The following EYS variants were observed in gnomAD, a reference collection of about 807,000 sequenced individuals.
EYS encodes EGF-like photoreceptor maintenance factor.
EYS carries 250 observed loss-of-function variants against 282.1 expected under a neutral mutation model. The ratio of observed to expected loss-of-function variants is 0.89; its 90% CI spans 0.80 to 0.98. EYS has a LOEUF of 0.98. EYS is among the 50% of genes least tolerant of loss of function. The pLI, the probability that EYS is intolerant of heterozygous loss-of-function variation, is 0.00. For synonymous variants in EYS, 1,355 were observed against 1,282.9 expected (o/e 1.06, Z -1.20); for missense variants, 4,016 against 3,709.0 (o/e 1.08, Z -2.15).
At chr6:65,403,576 T>C (rs552846483) in intron 6 of EYS, among the ~76,000 whole-genome samples, 1 of 152,138 alleles carries the variant, frequency 6.6e-6, no homozygotes, top group East Asian at 1.9e-4. Flanking sequence ...GAAAGAGGTA[T>C]ATAGCTTGCC....
chr6:65,302,439 C>A (rs552187362), intron 11 of EYS: 2 of 632,288 alleles, frequency 3.2e-6, no homozygotes, highest in Non-Finnish European at 5.7e-6. Flanking sequence ...ACCCATTTCA[C>A]GAGGACTTGG....
At chr6:64,318,990 T>C (rs1255338225) in intron 29 of EYS, among the ~76,000 whole-genome samples, 4 of 151,948 alleles carry the variant, frequency 2.6e-5, no homozygotes, top group African/African-American at 4.8e-5. Flanking sequence ...TGTTATACTA[T>C]CAAATACTAG....
chr6:65,616,379 T>G (rs1231894517), intron 2 of EYS, among the ~76,000 whole-genome samples: 1 of 148,888 alleles, frequency 6.7e-6, no homozygotes, highest in Non-Finnish European at 1.5e-5. Flanking sequence ...ACAATTAATG[T>G]GTTAATCAAC....
At chr6:64,802,648 T>C (rs920590442) in intron 22 of EYS, among the ~76,000 whole-genome samples, 1 of 152,350 alleles carries the variant, frequency 6.6e-6, no homozygotes, top group Middle Eastern at 3.4e-3. Context: ...AATTAAAATA[T>C]GCAGATAAGT....
chr6:63,727,111 G>C (rs1768642420), intron 41 of EYS, among the ~76,000 whole-genome samples: 1 of 152,006 alleles, frequency 6.6e-6, no homozygotes, highest in Non-Finnish European at 1.5e-5. Flanking sequence ...TTCAAATACA[G>C]AGTATAATTG....
intron 22 of EYS, among the ~76,000 whole-genome samples, chr6:64,810,956 G>C (rs1385195821): frequency 2.0e-5 from 3 of 151,924 alleles, no homozygotes; most frequent in Non-Finnish European, 4.4e-5. Context: ...ATTAAATTTA[G>C]AGAACACAAA....
intron 15 of EYS, among the ~76,000 whole-genome samples, chr6:64,931,467 T>C (rs945060755): frequency 1.3e-5 from 2 of 152,044 alleles, no homozygotes; most frequent in African/African-American, 4.8e-5. Flanking sequence ...TCAAATAAAG[T>C]TTTTCAAAAT....
chr6:64,419,784 C>G (rs560116773), intron 28 of EYS, among the ~76,000 whole-genome samples: 1 of 152,374 alleles, frequency 6.6e-6, no homozygotes, highest in African/African-American at 2.4e-5. Context: ...TTGCAGGGTA[C>G]AGCATCCCCT....
intron 15 of EYS, among the ~76,000 whole-genome samples, chr6:64,937,316 A>G (rs777566176): frequency 1.2e-4 from 18 of 151,618 alleles, no homozygotes; most frequent in Non-Finnish European, 1.9e-4. Flanking sequence ...CTCAAAATTA[A>G]AATTGTTTGT....
chr6:65,055,740 AGAAAATGTACTTTT>A (rs1334409522), intron 13 of EYS, among the ~76,000 whole-genome samples: 2 of 152,070 alleles, frequency 1.3e-5, no homozygotes, highest in African/African-American at 4.8e-5. Context: ...GACTAGACTC[AGAAAATGTACTTTT>A]GAAAGGAAGA....
chr6:64,026,259 G>A (rs1420326773), intron 33 of EYS, among the ~76,000 whole-genome samples: 3 of 151,982 alleles, frequency 2.0e-5, no homozygotes, highest in Non-Finnish European at 4.4e-5. Context: ...GTTGGTGAGT[G>A]CAACTATTCC....
intron 30 of EYS, among the ~76,000 whole-genome samples, chr6:64,265,962 A>G (rs1161764733): frequency 1.3e-5 from 2 of 152,096 alleles, no homozygotes; most frequent in Admixed American, 6.6e-5. Context: ...ATTCAGTCCA[A>G]CAGTTAAGAG....
chr6:64,677,332 A>T (rs1470190911), intron 22 of EYS, among the ~76,000 whole-genome samples: 3 of 152,130 alleles, frequency 2.0e-5, no homozygotes, highest in Admixed American at 6.5e-5. Flanking sequence ...TGGTTTTTTA[A>T]AAAAACGCAA....
At chr6:64,443,290 C>A (rs1775009249) in intron 26 of EYS, among the ~76,000 whole-genome samples, 1 of 152,182 alleles carries the variant, frequency 6.6e-6, no homozygotes, top group African/African-American at 2.4e-5. Context: ...GATGTCTTTA[C>A]CCAATGCCTG....
intron 14 of EYS, among the ~76,000 whole-genome samples, chr6:64,992,231 T>C (rs1355578560): frequency 6.6e-6 from 1 of 151,886 alleles, no homozygotes; most frequent in African/African-American, 2.4e-5. Context: ...TTTAATGTAA[T>C]AAAATAAATT....
chr6:65,605,861 T>C (rs1015648856), intron 2 of EYS, among the ~76,000 whole-genome samples: 5 of 151,850 alleles, frequency 3.3e-5, no homozygotes, highest in African/African-American at 1.2e-4. Context: ...AGAATAAACG[T>C]CTGAAAATGT....
intron 19 of EYS, among the ~76,000 whole-genome samples, chr6:64,844,315 A>G (rs1765655846): frequency 6.7e-6 from 1 of 150,094 alleles, no homozygotes; most frequent in African/African-American, 2.4e-5. Flanking sequence ...ATGATAAATG[A>G]GTGAGACTAA....
At chr6:63,877,984 A>T (rs1282439323) in intron 35 of EYS, among the ~76,000 whole-genome samples, 1 of 152,178 alleles carries the variant, frequency 6.6e-6, no homozygotes, top group African/African-American at 2.4e-5. Context: ...ACTCGTCAAA[A>T]TAATTCTCCA....
chr6:63,727,800 G>GCTGA (rs1170714180), intron 41 of EYS, among the ~76,000 whole-genome samples: 2 of 122,136 alleles, frequency 1.6e-5, no homozygotes, highest in Non-Finnish European at 3.2e-5. Context: ...TACTGGGGAG[G>GCTGA]CTGAAGTGGA....
Sources: gnomAD v4.1 joint callset for allele counts (sites outside exome capture counted in the v4.1 genomes callset) on GRCh38, gnomAD v4.1.1 for gene constraint, MANE v1.5 for transcripts, NCBI Gene and HGNC (gene_info 2026-07-23, HGNC 2026-07-21) for gene names.